Variants in PCDHGA9 observed in about 807,000 individuals in gnomAD.
The protein encoded by PCDHGA9 is protocadherin gamma-A9.
PCDHGA9 carries 37 observed loss-of-function variants against 62.5 expected under a neutral mutation model. The observed-to-expected ratio is 0.59, with a 90% CI of 0.46 to 0.78. PCDHGA9 has a LOEUF of 0.78. PCDHGA9 is among the 30% of genes least tolerant of loss of function. PCDHGA9 has a pLI of 0.00. For missense variants in PCDHGA9, 1,138 were observed against 1,166.2 expected (o/e 0.98, Z 0.35); for synonymous variants, 459 against 484.6 (o/e 0.95, Z 0.69).
chr5:141,490,062 C>A lies in PCDHGA9; in HGVS notation c.2425-4745C>A, dbSNP rs758715682. 6.2e-7 allele frequency: 1 copy of A among 1,614,218 alleles called. No homozygotes were observed. The highest frequency in any genetic ancestry group is 1.1e-5 in the South Asian group (1 of 91,082). ...CCACTGATCCAGACGAGGGCACCAA[C>A]GGCCAACTAGACTATTCTTTTGGAG... On this transcript the variant is annotated intron_variant, in intron 1 of 3. Coordinates refer to ENST00000573521, the MANE Select transcript of PCDHGA9 (RefSeq NM_018921.3). The surrounding 1 kb of genome is among the most constrained non-coding windows in gnomAD (Gnocchi z 5.4).
In PCDHGA9 at chr5:141,486,499, C is replaced by G. The variant is rs1487201957; in HGVS notation, c.2425-8308C>G. 2 of 1,614,010 alleles carry G rather than the reference C, an allele frequency of 1.2e-6. No homozygotes were observed. Among genetic ancestry groups the G allele is most frequent in the Non-Finnish European group, 1.7e-6 (2 of 1,179,874 alleles). On this transcript the variant is annotated intron_variant, in intron 1 of 3. Coordinates refer to ENST00000573521, the MANE Select transcript of PCDHGA9 (RefSeq NM_018921.3). This position sits in a 1 kb window ranked among gnomAD's most constrained non-coding sequence, Gnocchi z 5.0. ...CTCTCAGTACCCACAGAACTATTTT[C>G]CTCAATATTTCAGATGTGAATGATA...
rs2099706000 is a variant in PCDHGA9 at position 141,490,911 on chromosome 5, G to A, written c.2425-3896G>A. 1 of 1,613,722 alleles carries A rather than the reference G, an allele frequency of 6.2e-7. No individual in the cohort carries two copies. Among genetic ancestry groups the A allele is most frequent in the Non-Finnish European group, 8.5e-7 (1 of 1,179,746 alleles). Reference sequence around the variant, plus strand: ...CTCTGCATGTGTTTGTCCTAGACGAGAATGATAATGCCCCAGCTGTGCTGC... The same window carrying A: ...CTCTGCATGTGTTTGTCCTAGACGAAAATGATAATGCCCCAGCTGTGCTGC... On this transcript the variant is annotated intron_variant, in intron 1 of 3. Coordinates refer to ENST00000573521, the MANE Select transcript of PCDHGA9 (RefSeq NM_018921.3). This position sits in a 1 kb window ranked among gnomAD's most constrained non-coding sequence, Gnocchi z 5.4.
intron 1 of PCDHGA9, chr5:141,422,668 G>A: frequency 6.2e-7 from 1 of 1,607,686 alleles, no homozygotes; most frequent in Non-Finnish European, 8.5e-7. Context: ...CCTCGACCCG[G>A]ACAGCAAACA....
chr5:141,489,904 C>T lies in PCDHGA9; in HGVS notation c.2425-4903C>T, dbSNP rs750411680. On this transcript the variant is annotated intron_variant, in intron 1 of 3. Transcript: ENST00000573521. This position sits in a 1 kb window ranked among gnomAD's most constrained non-coding sequence, Gnocchi z 4.5. ...TGCTGTGGATGGGGGGACCCCAGCC[C>T]GCTCAGGGACCACCCTTATCTCTGT... 1.6e-5 allele frequency: 26 copies of T among 1,614,092 alleles called. No homozygotes were observed. The highest frequency in any genetic ancestry group is 3.3e-5 in the Admixed American group (2 of 60,014).
At chr5:141,416,132 A>G (rs939839074) in intron 1 of PCDHGA9, 1 of 153,964 alleles carries the variant, frequency 6.5e-6, no homozygotes, top group Non-Finnish European at 1.4e-5. Flanking sequence ...ATATTTTTCA[A>G]TCTATACTTT....
chr5:141,469,314 C>T (rs982242861), intron 1 of PCDHGA9, among the ~76,000 whole-genome samples: 3 of 152,100 alleles, frequency 2.0e-5, no homozygotes, highest in Admixed American at 1.3e-4. Context: ...CGATGGCTCA[C>T]GCCTGTAATC....
intron 1 of PCDHGA9, chr5:141,424,767 A>T (rs139479155): frequency 2.9e-4 from 44 of 152,290 alleles, no homozygotes; most frequent in African/African-American, 1.0e-3. Flanking sequence ...TTCTTATGGC[A>T]AATAGTACAT....
In PCDHGA9 at chr5:141,511,580, G is replaced by A. The variant is rs1436011320; in HGVS notation, c.*407G>A. ...CTCTTTCCCGAGTAAGGTGGTTGGG[G>A]TGTTGAAGTACCAAGTAACCTACAA... On this transcript the variant is annotated 3_prime_UTR_variant, in exon 4 of 4. Coordinates refer to ENST00000573521, the MANE Select transcript of PCDHGA9 (RefSeq NM_018921.3). 2 of 282,206 alleles carry A rather than the reference G, an allele frequency of 7.1e-6. No individual in the cohort carries two copies. Among genetic ancestry groups the A allele is most frequent in the Admixed American group, 4.6e-5 (1 of 21,516 alleles). The allele number at this position is 282,206 out of a possible 1,614,324, so 17.5% of individuals were successfully genotyped here.
At chr5:141,415,935 C>T (rs2095972319) in intron 1 of PCDHGA9, 1 of 601,888 alleles carries the variant, frequency 1.7e-6, no homozygotes, top group Non-Finnish European at 2.4e-6. Flanking sequence ...TTTATATTTC[C>T]TCCTGGGTGG....
chr5:141,427,832 T>C, intron 1 of PCDHGA9: 1 of 1,540,264 alleles, frequency 6.5e-7, no homozygotes, highest in Non-Finnish European at 8.9e-7. Flanking sequence ...TCGCGCAGCG[T>C]GCCTTCGACC....
intron 1 of PCDHGA9, chr5:141,422,726 T>C: frequency 5.6e-6 from 9 of 1,605,994 alleles, no homozygotes; most frequent in African/African-American, 4.0e-5. Flanking sequence ...GTCCAGGGGG[T>C]GCCTCTGTCC....
In PCDHGA9 at chr5:141,476,886, C is replaced by T; in HGVS notation, c.2425-17921C>T. ...TACCGGGCGCGCGTCCTGGAGGATG[C>T]ACCCTCCGGCACGCGCGTGGTACAA... On this transcript the variant is annotated intron_variant, in intron 1 of 3. Transcript: ENST00000573521. This position sits in a 1 kb window ranked among gnomAD's most constrained non-coding sequence, Gnocchi z 7.6. The T allele has an allele frequency of 9.9e-6, 16 of 1,613,924 alleles. No individual in the cohort carries two copies. Among genetic ancestry groups the T allele is most frequent in the Non-Finnish European group, 1.4e-5 (16 of 1,180,032 alleles).
Position 141,419,699 on chromosome 5 carries a change from C to G in PCDHGA9, c.2424+14323C>G, listed in dbSNP as rs1488905080. ...CTACCACGTGGTGCAGGCCAGTGAG[C>G]CCGGGCTCTTCAGCCTGGGGCTGCG... On this transcript the variant is annotated intron_variant, in intron 1 of 3. Coordinates refer to ENST00000573521, the MANE Select transcript of PCDHGA9 (RefSeq NM_018921.3). The G allele has an allele frequency of 5.6e-6, 9 of 1,612,806 alleles. No homozygotes were observed. The East Asian group carries it at 1.8e-4, about 32-fold the overall frequency.
intron 1 of PCDHGA9, chr5:141,441,116 C>G (rs1358636787): frequency 3.3e-5 from 5 of 152,156 alleles, no homozygotes; most frequent in Non-Finnish European, 7.3e-5. Context: ...GTCCAGTGTA[C>G]AGTTGAGACC....
At chr5:141,418,409 G>T in intron 1 of PCDHGA9, 1 of 1,613,910 alleles carries the variant, frequency 6.2e-7, no homozygotes, top group Non-Finnish European at 8.5e-7. Flanking sequence ...GGTGGAGAAA[G>T]ACAATCCTGA....
intron 1 of PCDHGA9, chr5:141,419,926 G>T: frequency 6.2e-7 from 1 of 1,614,096 alleles, no homozygotes; most frequent in South Asian, 1.1e-5. Flanking sequence ...CTGAGATGCA[G>T]TTTTACCTGG....
chr5:141,449,389 T>C (rs577860793), intron 1 of PCDHGA9, among the ~76,000 whole-genome samples: 5 of 151,964 alleles, frequency 3.3e-5, no homozygotes, highest in African/African-American at 1.2e-4. Flanking sequence ...GGTGGATTAC[T>C]TGAGGCCAGG....
chr5:141,473,029 G>A (rs62379204), intron 1 of PCDHGA9, among the ~76,000 whole-genome samples: 15,982 of 147,800 alleles, frequency 0.11, 873 homozygotes, highest in South Asian at 0.15. Flanking sequence ...AAGGAAGGAA[G>A]GAAGGAAAGA....
At position 141,431,418 on chromosome 5, in the gene PCDHGA9, C is replaced by G. The variant is rs571505529; in HGVS notation, c.2424+26042C>G. On this transcript the variant is annotated intron_variant, in intron 1 of 3. Transcript: ENST00000573521. The surrounding 1 kb of genome is among the most constrained non-coding windows in gnomAD (Gnocchi z 4.8). ...CTTACGGCCTCCGACGGGGGCGACC[C>G]GGTGCGCACAGGCACCGCGCGCATC... is the stretch of plus-strand genomic sequence containing the variant. 6.8e-6 allele frequency: 11 copies of G among 1,613,588 alleles called. No homozygotes were observed. In the South Asian group the frequency reaches 1.1e-4, roughly 16 times the overall value.
Sources: gnomAD v4.1 joint callset for allele counts (sites outside exome capture counted in the v4.1 genomes callset) on GRCh38, gnomAD v4.1.1 for gene constraint, Gnocchi (gnomAD v3.1) non-coding constraint, MANE v1.5 for transcripts, NCBI Gene and HGNC (gene_info 2026-07-23, HGNC 2026-07-21) for gene names.